Variants in RGS8 observed in about 807,000 individuals in gnomAD.
The protein encoded by RGS8 is regulator of G protein signaling 8.
Under a neutral mutation model 21.7 loss-of-function variants are expected in RGS8, and 8 were observed. That is an observed-to-expected ratio of 0.37 (90% CI 0.22 to 0.66). The LOEUF (loss-of-function observed/expected upper bound fraction) is 0.66. RGS8 is among the 30% of genes least tolerant of loss of function. The pLI is 0.59. For missense variants in RGS8, 157 were observed against 217.9 expected, an observed-to-expected ratio of 0.72 and a Z score of 1.76; for synonymous variants, 80 against 83.6, an observed-to-expected ratio of 0.96 and a Z score of 0.24.
chr1:182,675,849 CAACT>C (rs1158533049), upstream of RGS8, among the ~76,000 whole-genome samples: 3 of 152,162 alleles, frequency 2.0e-5, no homozygotes, highest in African/African-American at 7.2e-5. Context: ...CTGAGCCTCT[CAACT>C]GACTGTGTGC....
At chr1:182,649,905 C>CT (rs920729497) in intron 5 of RGS8, among the ~76,000 whole-genome samples, 2,852 of 128,450 alleles carry the variant, frequency 0.022, 84 homozygotes, top group African/African-American at 0.06. Context: ...GTTAACAACT[C>CT]TTTTTTTTTT....
chr1:182,728,406 C>A, the RGS8 span, among the ~76,000 whole-genome samples: 1 of 152,076 alleles, frequency 6.6e-6, no homozygotes, highest in African/African-American at 2.4e-5. Context: ...TCAATATGAA[C>A]CTTTCGATTC....
chr1:182,642,761 A>G (rs1486647226), downstream of RGS8: 1 of 152,230 alleles, frequency 6.6e-6, no homozygotes, highest in Non-Finnish European at 1.5e-5. Flanking sequence ...ATTAAAATCA[A>G]CTAGGACCTT....
the RGS8 span, among the ~76,000 whole-genome samples, chr1:182,732,641 T>C: frequency 5.9e-5 from 9 of 152,184 alleles, no homozygotes; most frequent in African/African-American, 2.2e-4. Flanking sequence ...TTAAGTGTAA[T>C]AGTGACCATT....
exon 7 of RGS8, chr1:182,646,781 T>C: frequency 6.2e-7 from 1 of 1,614,182 alleles, no homozygotes; most frequent in Admixed American, 1.7e-5. Context: ...TAAGTACATT[T>C]TGGACCTCAG....
intron 5 of RGS8, among the ~76,000 whole-genome samples, chr1:182,663,952 G>C (rs977848957): frequency 2.0e-5 from 3 of 152,170 alleles, no homozygotes; most frequent in Non-Finnish European, 4.4e-5. Context: ...TTATACGTCT[G>C]AGCCACTGCA....
exon 3 of RGS8, chr1:182,669,703 A>T: frequency 6.2e-7 from 1 of 1,613,774 alleles, no homozygotes; most frequent in Non-Finnish European, 8.5e-7. Context: ...ACGTCAGGGC[A>T]GGAAATAAGA....
the RGS8 span, among the ~76,000 whole-genome samples, chr1:182,737,784 A>G: frequency 6.6e-6 from 1 of 152,156 alleles, no homozygotes; most frequent in African/African-American, 2.4e-5. Flanking sequence ...TTTGGGGGCG[A>G]CCATTCAACC....
At chr1:182,660,613 A>G (rs1487811137) in intron 5 of RGS8, among the ~76,000 whole-genome samples, 1 of 150,756 alleles carries the variant, frequency 6.6e-6, no homozygotes, top group Non-Finnish European at 1.5e-5. Flanking sequence ...TTCACAATGT[A>G]CTGCTAGGGA....
At chr1:182,671,565 G>A in intron 2 of RGS8, 92 bp downstream of exon 3, 1 of 1,069,876 alleles carries the variant, frequency 9.3e-7, no homozygotes, top group Non-Finnish European at 1.4e-6. Context: ...CAATCAATAT[G>A]CATGAAGAGG....
At chr1:182,721,475 G>A in the RGS8 span, among the ~76,000 whole-genome samples, 6 of 152,202 alleles carry the variant, frequency 3.9e-5, no homozygotes, top group Admixed American at 1.3e-4. Flanking sequence ...TCTTCACAGC[G>A]TGACAGAAAT....
upstream of RGS8, among the ~76,000 whole-genome samples, chr1:182,685,468 C>T (rs1664679648): frequency 6.6e-6 from 1 of 152,218 alleles, no homozygotes; most frequent in Non-Finnish European, 1.5e-5. Flanking sequence ...CTATTTACAA[C>T]CACAGCCAGA....
chr1:182,750,580 T>C, the RGS8 span, among the ~76,000 whole-genome samples: 2 of 152,222 alleles, frequency 1.3e-5, no homozygotes, highest in African/African-American at 2.4e-5. Flanking sequence ...CTCACTAAAC[T>C]TGTTTGTTGA....
the RGS8 span, among the ~76,000 whole-genome samples, chr1:182,697,723 T>C: frequency 6.6e-6 from 1 of 152,200 alleles, no homozygotes; most frequent in Non-Finnish European, 1.5e-5. Flanking sequence ...AGCTGAGATG[T>C]CTTATAATCA....
the RGS8 span, among the ~76,000 whole-genome samples, chr1:182,716,534 C>T: frequency 2.6e-5 from 4 of 151,576 alleles, no homozygotes; most frequent in African/African-American, 4.9e-5. Flanking sequence ...ATGGGAACCC[C>T]CAGACATGGA....
chr1:182,651,434 T>A (rs536821556), intron 5 of RGS8, among the ~76,000 whole-genome samples: 6 of 152,220 alleles, frequency 3.9e-5, no homozygotes, highest in Non-Finnish European at 8.8e-5. Context: ...ACAGACATTG[T>A]GTTAGATTAT....
intron 5 of RGS8, among the ~76,000 whole-genome samples, chr1:182,661,531 T>G: frequency 6.8e-6 from 1 of 146,878 alleles, no homozygotes; most frequent in Non-Finnish European, 1.5e-5. Context: ...AAGGGAGAAA[T>G]AAGGGAAGGA....
At chr1:182,748,520 G>A in the RGS8 span, among the ~76,000 whole-genome samples, 56,799 of 152,090 alleles carry the variant, frequency 0.37, 10,861 homozygotes, top group Non-Finnish European at 0.41. Context: ...TGGACACTTA[G>A]GTTGATTCCA....
At chr1:182,650,884 C>T (rs1364192881) in intron 5 of RGS8, among the ~76,000 whole-genome samples, 1 of 151,996 alleles carries the variant, frequency 6.6e-6, no homozygotes, top group Non-Finnish European at 1.5e-5. Flanking sequence ...CAGGCAAAAC[C>T]CAGGACACAT....
Sources: gnomAD v4.1 joint callset for allele counts (sites outside exome capture counted in the v4.1 genomes callset) on GRCh38, gnomAD v4.1.1 for gene constraint, MANE v1.5 for transcripts, NCBI Gene and HGNC (gene_info 2026-07-23, HGNC 2026-07-21) for gene names.